Variants in MEIOB observed in about 807,000 individuals in gnomAD.
MEIOB encodes meiosis specific with OB-fold, also known as meiosis-specific with OB domain-containing protein.
MEIOB carries 50 observed loss-of-function variants against 53.1 expected under a neutral mutation model. The observed-to-expected ratio is 0.94, with a 90% CI of 0.75 to 1.19. MEIOB has a LOEUF of 1.19. Among genes scored for constraint, MEIOB ranks in the 50% most tolerant of loss-of-function variants. MEIOB has a pLI of 0.00. For missense variants in MEIOB, 551 were observed against 550.8 expected (o/e 1.00, Z 0.00); for synonymous variants, 192 against 182.5 (o/e 1.05, Z -0.42).
At chr16:1,846,781 C>T (rs973894617) in intron 9 of MEIOB, among the ~76,000 whole-genome samples, 1 of 151,952 alleles carries the variant, frequency 6.6e-6, no homozygotes, top group African/African-American at 2.4e-5. Context: ...AGGGGAACAA[C>T]ACACACTGGG....
chr16:1,865,755 C>G (rs1214911650), intron 3 of MEIOB, 23 bp downstream of exon 3: 1 of 1,528,260 alleles, frequency 6.5e-7, no homozygotes, highest in Non-Finnish European at 8.8e-7. Flanking sequence ...AAAAATGAAA[C>G]CAAGAGTTAA....
chr16:1,852,305 C>A (rs1899193574), intron 9 of MEIOB, among the ~76,000 whole-genome samples: 1 of 120,244 alleles, frequency 8.3e-6, no homozygotes, highest in Non-Finnish European at 1.6e-5. Flanking sequence ...GCTCTGTCGC[C>A]AGGCTGGAGC....
chr16:1,834,482 A>G, intron 13 of MEIOB, 116 bp from the exon 14 acceptor site: 1 of 593,054 alleles, frequency 1.7e-6, no homozygotes, highest in South Asian at 2.2e-5. Context: ...TTGTTTACAG[A>G]TACTAATATA....
At chr16:1,871,365 A>G (rs9925733) in intron 1 of MEIOB, among the ~76,000 whole-genome samples, 42,953 of 60,612 alleles carry the variant, frequency 0.71, 16,691 homozygotes, top group Middle Eastern at 0.83. Flanking sequence ...GACTACAGGC[A>G]CTCGCCGCCA....
chr16:1,839,363 T>C lies in MEIOB; in HGVS notation c.1110A>G (p.Lys370=). 6.2e-7 allele frequency: 1 copy of C among 1,614,130 alleles called. No individual in the cohort carries two copies. Among genetic ancestry groups the C allele is most frequent in the Non-Finnish European group, 8.5e-7 (1 of 1,180,032 alleles). The change falls in exon 12 of 14, where the codon AAA becomes AAG. Residue 370 remains lysine (K), a synonymous_variant. Coordinates refer to ENST00000325962, the MANE Select transcript of MEIOB (RefSeq NM_001163560.3). ...TTCNKNSLDF[K]SVFLSFHVLI... ...GCACATGGAAACTGAGAAAGACAGA[T>C]TTAAAGTCCAAGGAGTTTTTGTTGC...
chr16:1,839,143 T>A, intron 12 of MEIOB, 112 bp downstream of exon 12: 1 of 1,277,942 alleles, frequency 7.8e-7, no homozygotes, highest in Non-Finnish European at 1.0e-6. Flanking sequence ...TCCCAGGCTG[T>A]TTATTAGTGA....
At chr16:1,869,383 G>T (rs1294020930) in intron 1 of MEIOB, among the ~76,000 whole-genome samples, 9 of 151,972 alleles carry the variant, frequency 5.9e-5, no homozygotes, top group Non-Finnish European at 1.0e-4. Context: ...CCCCCAAAGT[G>T]CTGGATTACA....
At chr16:1,844,794 C>G in intron 10 of MEIOB, 68 bp downstream of exon 10, 1 of 734,204 alleles carries the variant, frequency 1.4e-6, no homozygotes, top group Non-Finnish European at 2.4e-6. Flanking sequence ...TTTACCATGT[C>G]AAACAAACCT....
chr16:1,868,466 T>C (rs1329570644), intron 1 of MEIOB, among the ~76,000 whole-genome samples: 2 of 151,860 alleles, frequency 1.3e-5, no homozygotes, highest in Non-Finnish European at 2.9e-5. Context: ...AGGCAGAGGT[T>C]GCACTGAGCC....
At chr16:1,835,179 G>A (rs550033373) in intron 13 of MEIOB, among the ~76,000 whole-genome samples, 4 of 152,130 alleles carry the variant, frequency 2.6e-5, no homozygotes, top group African/African-American at 9.6e-5. Context: ...ACTTGAGCCT[G>A]GGAAGGTTGA....
At chr16:1,845,798 C>T (rs566749193) in intron 9 of MEIOB, among the ~76,000 whole-genome samples, 7 of 152,240 alleles carry the variant, frequency 4.6e-5, no homozygotes, top group African/African-American at 9.6e-5. Context: ...AAGGCAGGAA[C>T]GCGAGTTTGG....
intron 6 of MEIOB, among the ~76,000 whole-genome samples, chr16:1,857,233 C>A (rs1459623783): frequency 6.6e-6 from 1 of 152,174 alleles, no homozygotes; most frequent in African/African-American, 2.4e-5. Flanking sequence ...GGAGGGCCAT[C>A]CTCCCGTGCA....
At chr16:1,850,305 G>A (rs571461228) in intron 9 of MEIOB, among the ~76,000 whole-genome samples, 16 of 152,296 alleles carry the variant, frequency 1.1e-4, no homozygotes, top group Middle Eastern at 3.4e-3. Flanking sequence ...CAGGCCGGGC[G>A]TGGTGGCTCA....
chr16:1,871,774 A>G, intron 1 of MEIOB, among the ~76,000 whole-genome samples: 1 of 94,494 alleles, frequency 1.1e-5, no homozygotes, highest in African/African-American at 4.3e-5. Flanking sequence ...CTTGGCCAAC[A>G]TGGTGAAACC....
chr16:1,836,797 T>C (rs1898759901), intron 13 of MEIOB, among the ~76,000 whole-genome samples: 1 of 152,242 alleles, frequency 6.6e-6, no homozygotes, highest in Non-Finnish European at 1.5e-5. Flanking sequence ...CAATGTTTTC[T>C]AGAGGCTCCA....
chr16:1,856,232 T>C (rs9746488), intron 6 of MEIOB, among the ~76,000 whole-genome samples: 102,245 of 151,190 alleles, frequency 0.68, 34,794 homozygotes, highest in Middle Eastern at 0.79. Flanking sequence ...CTCGGCTCAC[T>C]GCAACCTCCA....
At chr16:1,868,338 C>CT (rs368883581) in intron 1 of MEIOB, among the ~76,000 whole-genome samples, 154 bp from the exon 2 acceptor site, 38 of 152,170 alleles carry the variant, frequency 2.5e-4, no homozygotes, top group African/African-American at 8.2e-4. Context: ...GGATGGATCA[C>CT]CTGAGGTCAG....
At chr16:1,850,678 T>C (rs1899146672) in intron 9 of MEIOB, among the ~76,000 whole-genome samples, 1 of 152,030 alleles carries the variant, frequency 6.6e-6, no homozygotes, top group South Asian at 2.1e-4. Context: ...CCCAGCACTT[T>C]GGGAGGCTGA....
Position 1,868,146 on chromosome 16 carries a change from G to A in MEIOB, c.30C>T (p.Phe10=), listed in dbSNP as rs1415634092. The part of the protein sequence containing the change: MANSFAARI[F]TTLSDLQTNM... The stretch of plus-strand genomic sequence containing the variant: ...TTGTCTGCAGATCTGAAAGGGTAGT[G>A]AAAATCCTCGCTGCAAAGGAGTTTG... Residue 10 remains phenylalanine, a synonymous_variant, in exon 2 of 14, where the codon TTC becomes TTT. Coordinates refer to ENST00000325962, the MANE Select transcript of MEIOB (RefSeq NM_001163560.3). The A allele has an allele frequency of 1.3e-6, 2 of 1,533,864 alleles. No homozygotes were observed. The highest frequency in any genetic ancestry group is 2.0e-5 in the Admixed American group (1 of 50,854).
Sources: allele counts gnomAD v4.1 joint callset (sites outside exome capture counted in the v4.1 genomes callset), GRCh38; gene constraint gnomAD v4.1.1; transcripts MANE v1.5; gene names NCBI Gene and HGNC (gene_info 2026-07-23, HGNC 2026-07-21).